The following KCNB2 variants were observed in gnomAD, a reference collection of about 807,000 sequenced individuals.
KCNB2 encodes delayed rectifier potassium channel protein.
KCNB2 carries 15 observed loss-of-function variants against 61.5 expected under a neutral mutation model. That is an observed-to-expected ratio of 0.24 (90% confidence interval 0.16 to 0.38). The LOEUF (loss-of-function observed/expected upper bound fraction) is 0.38. KCNB2 is among the 10% of genes least tolerant of loss of function. The pLI is 1.00. For missense variants in KCNB2, 828 were observed against 1,125.2 expected (o/e 0.74, Z 3.78); for synonymous variants, 457 against 446.0 (o/e 1.02, Z -0.31).
At chr8:72,799,701 C>T (rs11779689) in intron 2 of KCNB2, among the ~76,000 whole-genome samples, 45,599 of 151,952 alleles carry the variant, frequency 0.3, 7,226 homozygotes, top group South Asian at 0.51. Context: ...GTAGCAAATA[C>T]GTATTCAGTA....
intron 2 of KCNB2, chr8:72,661,170 C>G (rs1806374776): frequency 6.6e-6 from 1 of 152,304 alleles, no homozygotes; most frequent in Admixed American, 6.5e-5. Flanking sequence ...CATCGGCCAC[C>G]ACACCCAGCT....
At chr8:72,687,246 A>G (rs750914476) in intron 2 of KCNB2, among the ~76,000 whole-genome samples, 7 of 152,182 alleles carry the variant, frequency 4.6e-5, no homozygotes, top group African/African-American at 1.2e-4. Flanking sequence ...AGTGTTTTTC[A>G]TGGTATTTTC....
intron 2 of KCNB2, among the ~76,000 whole-genome samples, chr8:72,737,140 G>T (rs918824040): frequency 6.6e-6 from 1 of 151,898 alleles, no homozygotes; most frequent in Admixed American, 6.6e-5. Context: ...TCTTTCTCAG[G>T]ATATTTAAGC....
chr8:72,645,809 A>G (rs904528552), intron 2 of KCNB2, among the ~76,000 whole-genome samples: 2 of 152,206 alleles, frequency 1.3e-5, no homozygotes, highest in Non-Finnish European at 2.9e-5. Context: ...CCAATTTTAG[A>G]TAGTGATCCT....
rs182871128 is a variant in KCNB2 at position 72,605,436 on chromosome 8, C to T, written c.579+37123C>T. Reference sequence around the variant, plus strand: ...TCTGAGACATGAAGATTTTTAACTACGGGGAAAACCATTGCATGGCTTTAA... The same window carrying T: ...TCTGAGACATGAAGATTTTTAACTATGGGGAAAACCATTGCATGGCTTTAA... On this transcript the variant is annotated intron_variant, in intron 2 of 2. Coordinates refer to ENST00000523207, the MANE Select transcript of KCNB2 (RefSeq NM_004770.3). Among the ~76,000 whole-genome samples the T allele has an allele frequency of 2.2e-3, 337 of 152,116 alleles. 1 individual carries two copies. Among genetic ancestry groups the T allele is most frequent in the African/African-American group, 7.7e-3 (320 of 41,504 alleles).
At chr8:72,733,639 C>CT (rs1807788199) in intron 2 of KCNB2, among the ~76,000 whole-genome samples, 1 of 152,162 alleles carries the variant, frequency 6.6e-6, no homozygotes, top group African/African-American at 2.4e-5. Flanking sequence ...ACCCGGCACC[C>CT]TGTAGACATG....
chr8:72,690,548 G>A, intron 2 of KCNB2, among the ~76,000 whole-genome samples: 1 of 152,292 alleles, frequency 6.6e-6, no homozygotes. Context: ...GTAATTCTTG[G>A]TCCCACTAGA....
intron 2 of KCNB2, among the ~76,000 whole-genome samples, chr8:72,632,591 G>T (rs1344071272): frequency 2.6e-5 from 4 of 152,198 alleles, no homozygotes; most frequent in Non-Finnish European, 4.4e-5. Flanking sequence ...CAGGCATCAT[G>T]CTGCTGACCT....
chr8:72,889,249 A>G (rs1274268395), intron 2 of KCNB2, among the ~76,000 whole-genome samples: 2 of 152,198 alleles, frequency 1.3e-5, no homozygotes, highest in Admixed American at 6.5e-5. Context: ...TTTTACAGCT[A>G]AAAAGACATA....
chr8:72,902,549 GGTTTGAGCTAGA>G (rs1177971448), intron 2 of KCNB2, among the ~76,000 whole-genome samples: 1 of 152,060 alleles, frequency 6.6e-6, no homozygotes, highest in Non-Finnish European at 1.5e-5. Flanking sequence ...ACTCTCCTGG[GGTTTGAGCTAGA>G]TTTGACCAAA....
chr8:72,895,313 G>A lies in KCNB2; in HGVS notation c.580-40622G>A, dbSNP rs183812865. 5.8e-4 allele frequency among the ~76,000 whole-genome samples: 89 copies of A among 152,314 alleles called. 1 individual carries two copies. Among genetic ancestry groups the A allele is most frequent in the Admixed American group, 4.4e-3 (68 of 15,298 alleles). On this transcript the variant is annotated intron_variant, in intron 2 of 2. Transcript: ENST00000523207. ...ATCACAAGGGTGCTTGAAAGTGGGA[G>A]AGAGAGTCAGCAGACAGCTGTAGAA...
At chr8:72,707,375 C>G (rs535154172) in intron 2 of KCNB2, among the ~76,000 whole-genome samples, 1 of 152,252 alleles carries the variant, frequency 6.6e-6, no homozygotes, top group East Asian at 1.9e-4. Flanking sequence ...AAGGAACCTC[C>G]TAATTGTCCC....
At chr8:72,658,674 C>T (rs1224210448) in intron 2 of KCNB2, among the ~76,000 whole-genome samples, 1 of 152,184 alleles carries the variant, frequency 6.6e-6, no homozygotes, top group Non-Finnish European at 1.5e-5. Flanking sequence ...CCTCAAAGAA[C>T]AGGCTGACAC....
intron 2 of KCNB2, among the ~76,000 whole-genome samples, chr8:72,860,601 T>C (rs554195491): frequency 6.6e-6 from 1 of 152,322 alleles, no homozygotes; most frequent in African/African-American, 2.4e-5. Context: ...CTCACATCTA[T>C]AAAGCTGCAG....
chr8:72,619,551 C>A (rs1805681968), intron 2 of KCNB2, among the ~76,000 whole-genome samples: 1 of 148,810 alleles, frequency 6.7e-6, no homozygotes, highest in African/African-American at 2.5e-5. Context: ...TTTTTAATCA[C>A]ACAGCAACCT....
chr8:72,776,256 T>TG (rs1808649702), intron 2 of KCNB2, among the ~76,000 whole-genome samples: 1 of 50,000 alleles, frequency 2.0e-5, no homozygotes, highest in Non-Finnish European at 3.9e-5. Flanking sequence ...TGTCGTGGGG[T>TG]GGGGGGAGGG....
At chr8:72,698,633 C>T (rs1328362559) in intron 2 of KCNB2, among the ~76,000 whole-genome samples, 3 of 152,134 alleles carry the variant, frequency 2.0e-5, no homozygotes, top group Non-Finnish European at 4.4e-5. Context: ...GCTACAGTAA[C>T]CAAAACAGCA....
At chr8:72,904,571 T>C (rs1806141234) in intron 2 of KCNB2, among the ~76,000 whole-genome samples, 1 of 152,112 alleles carries the variant, frequency 6.6e-6, no homozygotes, top group Admixed American at 6.6e-5. Flanking sequence ...ATTTAACAAT[T>C]AGACAAGAGA....
chr8:72,645,017 T>G (rs748782127), intron 2 of KCNB2, among the ~76,000 whole-genome samples: 7 of 152,166 alleles, frequency 4.6e-5, no homozygotes, highest in Non-Finnish European at 8.8e-5. Context: ...TGCCAGAGTT[T>G]CCTATACAAT....
Sources: allele counts gnomAD v4.1 joint callset (sites outside exome capture counted in the v4.1 genomes callset), GRCh38; gene constraint gnomAD v4.1.1; transcripts MANE v1.5; gene names NCBI Gene and HGNC (gene_info 2026-07-23, HGNC 2026-07-21).